Variants in SLC6A12 observed in about 807,000 individuals in gnomAD.
The protein encoded by SLC6A12 is sodium- and chloride-dependent betaine transporter.
Under a neutral mutation model 73.3 loss-of-function variants are expected in SLC6A12, and 50 were observed. The ratio of observed to expected loss-of-function variants is 0.68; its 90% confidence interval spans 0.54 to 0.86. SLC6A12 has a LOEUF of 0.86. SLC6A12 is among the 40% of genes least tolerant of loss of function. SLC6A12 has a pLI of 0.00. For synonymous variants in SLC6A12, 304 were observed against 309.2 expected, an observed-to-expected ratio of 0.98 and a Z score of 0.18; for missense variants, 648 against 772.8, an observed-to-expected ratio of 0.84 and a Z score of 1.92.
rs216250 is a variant in SLC6A12, at chr12:202,783, A to G, written c.447T>C (p.Thr149=). The G allele has an allele frequency of 0.47, 762,636 of 1,613,036 alleles. 185,016 individuals are homozygous for G. Among genetic ancestry groups the G allele is most frequent in the African/African-American group, 0.72 (54,240 of 74,962 alleles). The part of the protein sequence containing the change: ...WALFYLFSSF[T]SELPWTTCNN... Reference sequence around the variant, plus strand: ...TGCAGGTCGTCCAGGGCAGCTCAGAAGTGAAGGAGCTGAACAGGTAGAAGA... The same window carrying G: ...TGCAGGTCGTCCAGGGCAGCTCAGAGGTGAAGGAGCTGAACAGGTAGAAGA... Residue 149 remains threonine, a synonymous_variant, in exon 5 of 16, where the codon ACT becomes ACC. Coordinates refer to ENST00000684302, the MANE Select transcript of SLC6A12 (RefSeq NM_001122848.3).
At chr12:187,589 C>CAAAAAAAAAAAAAAAAAAAAAAAAAAA (rs761187495), downstream of SLC6A12, among the ~76,000 whole-genome samples, 11 of 106,050 alleles carry the variant, frequency 1.0e-4, no homozygotes, top group South Asian at 1.1e-3. Context: ...TGCAAAAGAG[C>CAAAAAAAAAAAAAAAAAAAAAAAAAAA]AAAAAAAAAA....
At chr12:193,228 A>T (rs1259861529) in intron 14 of SLC6A12, 49 bp downstream of exon 14, 1 of 1,314,130 alleles carries the variant, frequency 7.6e-7, no homozygotes, top group Non-Finnish European at 1.1e-6. Flanking sequence ...TCATCTCTGG[A>T]GTCTTCTGGG....
At chr12:189,365 TCTCCTTCTCTTTCCCCTGGGC>T (rs578109435), downstream of SLC6A12, among the ~76,000 whole-genome samples, 1 of 152,224 alleles carries the variant, frequency 6.6e-6, no homozygotes, top group Non-Finnish European at 1.5e-5. Context: ...AAGCCGTTGC[TCTCCTTCTCTTTCCCCTGGGC>T]CTCCTTCTCT....
chr12:197,124 T>C (rs1939921430), intron 10 of SLC6A12, among the ~76,000 whole-genome samples: 16 of 90,098 alleles, frequency 1.8e-4, no homozygotes, highest in South Asian at 8.0e-4. Context: ...CATCCATCCA[T>C]CCATCCATCC....
Position 198,741 on chromosome 12 carries a change from C to T in SLC6A12, c.846+56G>A. 6.4e-7 allele frequency: 1 copy of T among 1,565,704 alleles called. No homozygotes were observed. The highest frequency in any genetic ancestry group is 8.8e-7 in the Non-Finnish European group (1 of 1,141,872). On this transcript the variant is annotated intron_variant, in intron 8 of 15. Coordinates refer to ENST00000684302, the MANE Select transcript of SLC6A12 (RefSeq NM_001122848.3). This position sits in a 1 kb window ranked among gnomAD's most constrained non-coding sequence, Gnocchi z 4.0. ...AAGCTATACAAGACTTTCAAAACTA[C>T]AGACCTGGCTGGGTGGGGAAGGCAC...
downstream of SLC6A12, among the ~76,000 whole-genome samples, chr12:187,577 A>G (rs1176332944): frequency 7.5e-6 from 1 of 133,858 alleles, no homozygotes; most frequent in East Asian, 2.2e-4. Context: ...AGCAAGATTT[A>G]CTGCAAAAGA....
chr12:194,680 G>A (rs1408997513), intron 13 of SLC6A12, among the ~76,000 whole-genome samples: 1 of 152,202 alleles, frequency 6.6e-6, no homozygotes, highest in Admixed American at 6.5e-5. Context: ...ATTCAGTATG[G>A]TAGCTATCTC....
intron 10 of SLC6A12, 119 bp downstream of exon 10, chr12:197,258 C>T: frequency 8.4e-7 from 1 of 1,183,900 alleles, no homozygotes; most frequent in Non-Finnish European, 1.1e-6. Context: ...AAATTAAAAC[C>T]TACTACCCAT....
chr12:186,400 T>TA (rs1052292107), downstream of SLC6A12, among the ~76,000 whole-genome samples: 14 of 152,158 alleles, frequency 9.2e-5, no homozygotes, highest in Non-Finnish European at 1.6e-4. Context: ...TACTGCTGTG[T>TA]AAAAAATCAC....
downstream of SLC6A12, among the ~76,000 whole-genome samples, chr12:186,009 G>A (rs1031215160): frequency 5.9e-5 from 9 of 152,322 alleles, no homozygotes; most frequent in African/African-American, 2.2e-4. Flanking sequence ...GGAGGTGGCA[G>A]GGACAGACAC....
intron 2 of SLC6A12, chr12:211,246 T>C (rs1940893855): frequency 6.6e-6 from 1 of 152,254 alleles, no homozygotes; most frequent in Non-Finnish European, 1.5e-5. Context: ...TCTGTGTTTA[T>C]TTACTGGTCC....
At position 202,835 on chromosome 12, in the gene SLC6A12, T is replaced by G. The variant is rs201072513; in HGVS notation, c.395A>C (p.Tyr132Ser). The change falls in exon 5 of 16, where the codon TAC becomes TCC. Residue 132 changes from tyrosine to serine, a missense_variant. Tyr to Ser is a moderately radical substitution (Grantham distance 144). Coordinates refer to ENST00000684302, the MANE Select transcript of SLC6A12 (RefSeq NM_001122848.3). ...AGCCCAGGCAAGGATGATGATGTAG[T>G]AGACATTCAAATATGACTCGATGAC... ...SVVIESYLNV[Y>S]YIIILAWALF... The G allele has an allele frequency of 8.6e-5, 138 of 1,613,778 alleles. No homozygotes were observed. The highest frequency in any genetic ancestry group is 1.4e-5 in the Non-Finnish European group (17 of 1,179,846).
At chr12:202,625 C>A in intron 5 of SLC6A12, 115 bp downstream of exon 5, 1 of 1,123,762 alleles carries the variant, frequency 8.9e-7, no homozygotes, top group South Asian at 1.6e-5. Flanking sequence ...GCCCACGTGG[C>A]TTGGCTGCCA....
At chr12:187,546 T>C (rs1329270743), downstream of SLC6A12, among the ~76,000 whole-genome samples, 5 of 121,950 alleles carry the variant, frequency 4.1e-5, no homozygotes, top group Non-Finnish European at 8.3e-5. Context: ...AAAGGCAGAG[T>C]AGACCCAAAC....
At chr12:206,208 C>T (rs964397577) in intron 3 of SLC6A12, among the ~76,000 whole-genome samples, 2 of 152,352 alleles carry the variant, frequency 1.3e-5, no homozygotes, top group South Asian at 2.1e-4. Context: ...CAGACCGAAA[C>T]TCTGTACACG....
intron 9 of SLC6A12, 33 bp from the exon 10 acceptor site, chr12:197,534 G>T (rs1270864008): frequency 6.3e-7 from 1 of 1,598,474 alleles, no homozygotes. Flanking sequence ...GACAGGAACG[G>T]GGAGGAAAAG....
chr12:205,619 A>G (rs1940592955), intron 3 of SLC6A12, among the ~76,000 whole-genome samples: 1 of 152,260 alleles, frequency 6.6e-6, no homozygotes. Context: ...TCACTACACT[A>G]TATACCTCTG....
In SLC6A12 at chr12:204,962, T is replaced by A. The variant is rs554729954; in HGVS notation, c.215-264A>T. On this transcript the variant is annotated intron_variant, in intron 3 of 15. Transcript: ENST00000684302. ...GTGAAAACTTAGGTGGAAATTCTAA[T>A]ATATGCACTATTTATTTTCTTAGTG... 5.4e-4 allele frequency: 224 copies of A among 413,512 alleles called. 1 individual carries two copies. In the South Asian group the frequency reaches 8.9e-3, roughly 16 times the overall value. 25.6% of individuals were successfully genotyped at this position (413,512 alleles called of 1,614,324 possible).
At chr12:195,460 A>C in intron 12 of SLC6A12, 133 bp from the exon 13 acceptor site, 1 of 656,864 alleles carries the variant, frequency 1.5e-6, no homozygotes, top group Non-Finnish European at 2.8e-6. Flanking sequence ...TTGCATCTCA[A>C]AGGAGTTTGC....
Sources: gnomAD v4.1 joint callset for allele counts (sites outside exome capture counted in the v4.1 genomes callset) on GRCh38, gnomAD v4.1.1 for gene constraint, Gnocchi (gnomAD v3.1) non-coding constraint, MANE v1.5 for transcripts, NCBI Gene and HGNC (gene_info 2026-07-23, HGNC 2026-07-21) for gene names.